Variants in ZNF609 observed in about 807,000 individuals in gnomAD.
The protein encoded by ZNF609 is zinc finger protein 609.
ZNF609 carries 11 observed loss-of-function variants against 109.5 expected under a neutral mutation model. That is an observed-to-expected ratio of 0.10 (90% CI 0.06 to 0.17). The LOEUF is 0.17. Among genes scored for constraint, ZNF609 ranks in the 10% least tolerant of loss-of-function variants. The pLI, the probability that ZNF609 is intolerant of heterozygous loss-of-function variation, is 1.00. For missense variants in ZNF609, 1,559 were observed against 1,772.4 expected, an observed-to-expected ratio of 0.88 and a Z score of 2.16; for synonymous variants, 646 against 662.0, an observed-to-expected ratio of 0.98 and a Z score of 0.37.
At chr15:64,530,997 C>T (rs1894052653) in intron 2 of ZNF609, among the ~76,000 whole-genome samples, 1 of 152,138 alleles carries the variant, frequency 6.6e-6, no homozygotes, top group African/African-American at 2.4e-5. Flanking sequence ...TCACTTTTTC[C>T]TATTTGCCTC....
chr15:64,611,795 G>A (rs867762321), intron 2 of ZNF609, among the ~76,000 whole-genome samples: 1 of 150,982 alleles, frequency 6.6e-6, no homozygotes, highest in East Asian at 1.9e-4. Flanking sequence ...GTGCAGTGGC[G>A]CAATCTTGGC....
intron 2 of ZNF609, chr15:64,500,418 T>C (rs1383875252): frequency 1.4e-6 from 1 of 709,966 alleles, no homozygotes; most frequent in Non-Finnish European, 2.5e-6. Flanking sequence ...CTTTGTAGAA[T>C]GAACTTTCTG....
chr15:64,611,659 G>A (rs1283473357), intron 2 of ZNF609, among the ~76,000 whole-genome samples: 1 of 151,822 alleles, frequency 6.6e-6, no homozygotes, highest in African/African-American at 2.4e-5. Context: ...CAAATTATAT[G>A]TTCAAAAGCA....
intron 2 of ZNF609, among the ~76,000 whole-genome samples, chr15:64,547,906 T>C (rs547820650): frequency 1.1e-4 from 16 of 152,112 alleles, no homozygotes; most frequent in Non-Finnish European, 1.6e-4. Context: ...TAGAGAAATA[T>C]ATTGATTTTA....
chr15:64,524,106 A>G (rs956734443), intron 2 of ZNF609, among the ~76,000 whole-genome samples: 13 of 150,184 alleles, frequency 8.7e-5, no homozygotes, highest in African/African-American at 2.5e-4. Context: ...GGTTTATACT[A>G]TATTCACAAA....
upstream of ZNF609, among the ~76,000 whole-genome samples, chr15:64,460,467 T>G (rs866024982): frequency 1.2e-4 from 19 of 152,156 alleles, no homozygotes; most frequent in African/African-American, 4.6e-4. Context: ...TTTCGCTCCT[T>G]CATCCAGGTT....
At chr15:64,656,069 T>C (rs1183810397) in intron 3 of ZNF609, among the ~76,000 whole-genome samples, 8 of 152,064 alleles carry the variant, frequency 5.3e-5, no homozygotes. Flanking sequence ...TATTTTCTTT[T>C]TTTTCCTTTT....
At chr15:64,604,713 T>G (rs974015825) in intron 2 of ZNF609, among the ~76,000 whole-genome samples, 39 of 152,364 alleles carry the variant, frequency 2.6e-4, no homozygotes, top group Middle Eastern at 3.4e-3. Flanking sequence ...GAATGGAGTT[T>G]ATTAGTTTAG....
At chr15:64,521,455 A>AT (rs370343664) in intron 2 of ZNF609, among the ~76,000 whole-genome samples, 2,452 of 151,554 alleles carry the variant, frequency 0.016, 73 homozygotes, top group African/African-American at 0.056. Context: ...TGAGAGGAGG[A>AT]TTTTTTTTCC....
intron 1 of ZNF609, among the ~76,000 whole-genome samples, chr15:64,489,896 T>C (rs935248151): frequency 2.6e-5 from 4 of 152,134 alleles, no homozygotes; most frequent in African/African-American, 7.2e-5. Flanking sequence ...GGATAAGAAC[T>C]TCTAAAGAGC....
At chr15:64,559,128 T>C (rs563221904) in intron 2 of ZNF609, among the ~76,000 whole-genome samples, 18 of 152,348 alleles carry the variant, frequency 1.2e-4, no homozygotes, top group African/African-American at 4.1e-4. Context: ...ACTCTAACCT[T>C]GTGAACTATT....
intron 3 of ZNF609, among the ~76,000 whole-genome samples, chr15:64,649,598 C>A (rs1896385188): frequency 1.3e-5 from 2 of 152,156 alleles, no homozygotes; most frequent in African/African-American, 4.8e-5. Flanking sequence ...TGGGTTAAAC[C>A]AGTATTAGGG....
At position 64,499,536 on chromosome 15, in the gene ZNF609, C is replaced by T. The variant is rs142041462; in HGVS notation, c.117C>T (p.Asp39=). ...IGVGNLIIDL[D]ADLEKDQQKL... Reference sequence around the variant, plus strand: ...TAGGGAATCTCATCATTGACCTGGACGCCGATCTGGAAAAGGACCAGCAGA... The same window carrying T: ...TAGGGAATCTCATCATTGACCTGGATGCCGATCTGGAAAAGGACCAGCAGA... Residue 39 remains aspartate (D), a synonymous_variant, in exon 2 of 10, where the codon GAC becomes GAT. Transcript: ENST00000326648. The T allele has an allele frequency of 9.5e-4, 1,526 of 1,614,016 alleles. No homozygotes were observed. The highest frequency in any genetic ancestry group is 1.2e-3 in the Non-Finnish European group (1,437 of 1,180,018).
chr15:64,487,489 A>T lies in ZNF609; in HGVS notation c.-127-11804A>T, dbSNP rs191994940. Among the ~76,000 whole-genome samples, 55 of 152,174 alleles carry T rather than the reference A, an allele frequency of 3.6e-4. 1 individual carries two copies. The highest frequency in any genetic ancestry group is 1.2e-3 in the African/African-American group (48 of 41,526). On this transcript the variant is annotated intron_variant, in intron 1 of 9. Coordinates refer to ENST00000326648, the MANE Select transcript of ZNF609 (RefSeq NM_015042.2). ...ATATGTAACCACTATCCAGTTCAAGATATAGAACATTTATTTCCAGCACCC... is the reference window on the plus strand; with the variant it reads ...ATATGTAACCACTATCCAGTTCAAGTTATAGAACATTTATTTCCAGCACCC...
chr15:64,569,082 A>G (rs999669135), intron 2 of ZNF609, among the ~76,000 whole-genome samples: 2 of 152,142 alleles, frequency 1.3e-5, no homozygotes, highest in Non-Finnish European at 2.9e-5. Flanking sequence ...ACTCCCTCTG[A>G]TACCCCTCTG....
rs1323584931 is a variant in ZNF609 at position 64,461,766 on chromosome 15, CCTGT to C, written c.-128+933_-128+936del. Among the ~76,000 whole-genome samples the C allele has an allele frequency of 5.3e-5, 8 of 152,102 alleles. No homozygotes were observed. The South Asian group carries it at 8.3e-4, about 16-fold the overall frequency. ...AGAGTGAGAAAGATAGGGAAGAAAGCCTGTCTGTTTCCAGCCATGTGTCCAGAGC... is the reference window on the plus strand; with the variant it reads ...AGAGTGAGAAAGATAGGGAAGAAAGCCTGTTTCCAGCCATGTGTCCAGAGC... On this transcript the variant is annotated intron_variant, in intron 1 of 9. Coordinates refer to ENST00000326648, the MANE Select transcript of ZNF609 (RefSeq NM_015042.2).
chr15:64,488,786 A>G (rs1329289765), intron 1 of ZNF609, among the ~76,000 whole-genome samples: 1 of 152,122 alleles, frequency 6.6e-6, no homozygotes, highest in Non-Finnish European at 1.5e-5. Flanking sequence ...GAATTTGACC[A>G]TGTTTAGAGA....
At chr15:64,484,551 C>G (rs1198891589) in intron 1 of ZNF609, among the ~76,000 whole-genome samples, 3 of 151,066 alleles carry the variant, frequency 2.0e-5, no homozygotes, top group African/African-American at 7.3e-5. Flanking sequence ...TGGCGCGTGC[C>G]TGTAATCCCA....
intron 2 of ZNF609, among the ~76,000 whole-genome samples, chr15:64,595,083 G>A (rs971999850): frequency 6.6e-6 from 1 of 151,722 alleles, no homozygotes; most frequent in African/African-American, 2.4e-5. Context: ...ATTTGGGCCG[G>A]GCGCGGTGGC....
Sources: allele counts gnomAD v4.1 joint callset (sites outside exome capture counted in the v4.1 genomes callset), GRCh38; gene constraint gnomAD v4.1.1; transcripts MANE v1.5; gene names NCBI Gene and HGNC (gene_info 2026-07-23, HGNC 2026-07-21).